ADGRL2: variants seen among roughly 807,000 people sequenced by gnomAD.
ADGRL2 encodes calcium-independent alpha-latrotoxin receptor 2.
ADGRL2 carries 44 observed loss-of-function variants against 157.4 expected under a neutral mutation model. The ratio of observed to expected loss-of-function variants is 0.28; its 90% CI spans 0.22 to 0.36. ADGRL2 has a LOEUF of 0.36. Ranked by LOEUF, ADGRL2 falls within the 10% of genes least tolerant of loss-of-function variation. ADGRL2 has a pLI of 1.00. For missense variants in ADGRL2, 1,510 were observed against 1,768.9 expected (o/e 0.85, Z 2.63); for synonymous variants, 585 against 624.7 (o/e 0.94, Z 0.95).
chr1:81,668,323 G>T (rs1313495586), intron 3 of ADGRL2, among the ~76,000 whole-genome samples: 8 of 151,904 alleles, frequency 5.3e-5, no homozygotes, highest in Admixed American at 3.3e-4. Context: ...TACTCAGGAG[G>T]CTGAGGCAGA....
intron 2 of ADGRL2, among the ~76,000 whole-genome samples, chr1:81,884,856 A>T (rs192124988): frequency 2.9e-3 from 444 of 152,328 alleles, no homozygotes; most frequent in African/African-American, 0.01. Context: ...TGCTTATATT[A>T]TATAGTAGTT....
At chr1:81,692,304 A>G (rs960483462) in intron 3 of ADGRL2, among the ~76,000 whole-genome samples, 1 of 152,132 alleles carries the variant, frequency 6.6e-6, no homozygotes, top group African/African-American at 2.4e-5. Flanking sequence ...CTCTGTCTCA[A>G]AAAATAAATA....
intron 2 of ADGRL2, among the ~76,000 whole-genome samples, chr1:81,531,475 T>A (rs533227836): frequency 6.6e-6 from 1 of 152,330 alleles, no homozygotes; most frequent in African/African-American, 2.4e-5. Flanking sequence ...TAGTTCATAG[T>A]AGACAGGCAA....
At chr1:81,884,814 G>C (rs2094086094) in intron 2 of ADGRL2, among the ~76,000 whole-genome samples, 2 of 152,148 alleles carry the variant, frequency 1.3e-5, no homozygotes, top group African/African-American at 4.8e-5. Context: ...TTTTGATATA[G>C]AGTGATAGAA....
At chr1:81,597,008 A>G (rs1470247851) in intron 3 of ADGRL2, among the ~76,000 whole-genome samples, 1 of 152,152 alleles carries the variant, frequency 6.6e-6, no homozygotes, top group Admixed American at 6.5e-5. Flanking sequence ...AATTCTACCA[A>G]ATAAGTATTT....
chr1:81,907,023 G>C lies in ADGRL2; in HGVS notation c.80G>C (p.Ser27Thr). Residue 27 changes from serine to threonine, a missense_variant, in exon 3 of 24, where the codon AGC becomes ACC. This residue lies in a region of ADGRL2 where 361 missense variants were observed against 498.4 expected (regional missense o/e 0.72). Coordinates refer to ENST00000686636, the MANE Select transcript of ADGRL2 (RefSeq NM_001366006.2). Reference sequence around the variant, plus strand: ...CTTTCTTTTTTATTTTAAGGTTTCAGCAGAGCAGCTTTACCATTTGGGCTG... The same window carrying C: ...CTTTCTTTTTTATTTTAAGGTTTCACCAGAGCAGCTTTACCATTTGGGCTG... Reference protein sequence around the residue: ...ISFLPNTEGFSRAALPFGLVR... With the variant: ...ISFLPNTEGFTRAALPFGLVR... The C allele has an allele frequency of 6.2e-7, 1 of 1,612,682 alleles. No homozygotes were observed. The highest frequency in any genetic ancestry group is 8.5e-7 in the Non-Finnish European group (1 of 1,178,864).
At chr1:81,681,367 C>T (rs2083110239) in intron 3 of ADGRL2, among the ~76,000 whole-genome samples, 1 of 152,164 alleles carries the variant, frequency 6.6e-6, no homozygotes. Flanking sequence ...TTCACATGTT[C>T]TCCTGTCTTC....
intron 1 of ADGRL2, among the ~76,000 whole-genome samples, chr1:81,326,016 T>A (rs1057147452): frequency 2.6e-5 from 4 of 152,180 alleles, no homozygotes; most frequent in Non-Finnish European, 5.9e-5. Context: ...AAAAAACAAT[T>A]CTTTAGAAAT....
At chr1:81,544,788 T>C (rs2079972786) in intron 2 of ADGRL2, among the ~76,000 whole-genome samples, 1 of 152,148 alleles carries the variant, frequency 6.6e-6, no homozygotes, top group South Asian at 2.1e-4. Flanking sequence ...GCCACTACAT[T>C]TTTTTAAGCA....
chr1:81,597,068 C>T (rs1034350452), intron 3 of ADGRL2, among the ~76,000 whole-genome samples: 2 of 152,182 alleles, frequency 1.3e-5, no homozygotes, highest in Non-Finnish European at 2.9e-5. Flanking sequence ...AAGGCACCTT[C>T]CAAACAAAGA....
At chr1:81,376,587 C>G (rs1359778723) in intron 1 of ADGRL2, among the ~76,000 whole-genome samples, 1 of 151,378 alleles carries the variant, frequency 6.6e-6, no homozygotes, top group Non-Finnish European at 1.5e-5. Flanking sequence ...TTCCTTCCTT[C>G]TTTCCTTGCT....
intron 2 of ADGRL2, among the ~76,000 whole-genome samples, chr1:81,478,161 T>C (rs868045785): frequency 2.6e-5 from 4 of 151,512 alleles, no homozygotes; most frequent in African/African-American, 9.7e-5. Context: ...CTTGGGGGAG[T>C]CGGTAAATAG....
intron 3 of ADGRL2, among the ~76,000 whole-genome samples, chr1:81,923,526 T>C (rs2095036844): frequency 2.0e-5 from 3 of 152,188 alleles, no homozygotes; most frequent in Non-Finnish European, 2.9e-5. Flanking sequence ...CAAGAGTCTA[T>C]GTCTCTAGCT....
intron 1 of ADGRL2, among the ~76,000 whole-genome samples, chr1:81,397,932 T>A (rs1037613070): frequency 1.3e-5 from 2 of 152,216 alleles, no homozygotes; most frequent in African/African-American, 4.8e-5. Context: ...CCCCGACTAT[T>A]ATTGTACTCT....
At chr1:81,519,435 C>A (rs950425042) in intron 2 of ADGRL2, among the ~76,000 whole-genome samples, 1 of 150,246 alleles carries the variant, frequency 6.7e-6, no homozygotes, top group Admixed American at 6.6e-5. Flanking sequence ...GGAATATACC[C>A]AAGAAAAGAA....
At chr1:81,970,214 A>C (rs1658314487) in intron 15 of ADGRL2, 100 bp from the exon 16 acceptor site, 7 of 822,940 alleles carry the variant, frequency 8.5e-6, no homozygotes, top group Non-Finnish European at 1.5e-5. Flanking sequence ...TGTATTTTTG[A>C]AATAATAGTG....
chr1:81,918,286 A>G (rs2094905070), intron 3 of ADGRL2, among the ~76,000 whole-genome samples: 1 of 152,178 alleles, frequency 6.6e-6, no homozygotes, highest in Admixed American at 6.6e-5. Context: ...TGCAATTTAA[A>G]TATGTCCTAT....
At chr1:81,954,633 G>T (rs976753300) in intron 10 of ADGRL2, among the ~76,000 whole-genome samples, 1 of 152,096 alleles carries the variant, frequency 6.6e-6, no homozygotes, top group East Asian at 1.9e-4. Flanking sequence ...AATGGCTGCC[G>T]CAGTATCAGT....
intron 2 of ADGRL2, among the ~76,000 whole-genome samples, chr1:81,514,311 A>G (rs543311928): frequency 6.6e-6 from 1 of 152,264 alleles, no homozygotes; most frequent in Admixed American, 6.5e-5. Flanking sequence ...GGGTAGTTAC[A>G]GCCGCAGAAA....
Sources: gnomAD v4.1 joint callset for allele counts (sites outside exome capture counted in the v4.1 genomes callset) on GRCh38, gnomAD v4.1.1 for gene constraint, gnomAD v4.1.1 regional missense constraint, MANE v1.5 for transcripts, NCBI Gene and HGNC (gene_info 2026-07-23, HGNC 2026-07-21) for gene names.